AGO2: variants seen among roughly 807,000 people sequenced by gnomAD.
AGO2 encodes the protein argonaute RISC catalytic component 2.
Under a neutral mutation model 102.3 loss-of-function variants are expected in AGO2, and 5 were observed. The ratio of observed to expected loss-of-function variants is 0.05; its 90% CI spans 0.03 to 0.10. The LOEUF is 0.10. Ranked by LOEUF, AGO2 falls within the 10% of genes least tolerant of loss-of-function variation. The pLI is 1.00. For synonymous variants in AGO2, 449 were observed against 473.1 expected, an observed-to-expected ratio of 0.95 and a Z score of 0.66; for missense variants, 541 against 1,183.7, an observed-to-expected ratio of 0.46 and a Z score of 7.97.
chr8:140,616,968 G>A (rs1441228171), intron 1 of AGO2, among the ~76,000 whole-genome samples: 1 of 152,162 alleles, frequency 6.6e-6, no homozygotes, highest in Admixed American at 6.5e-5. Context: ...CTCCACCCCC[G>A]CGCACCCTCC....
rs2072493365 is a variant in AGO2 at position 140,525,727 on chromosome 8, A to C, written c.*6317T>G. 6.6e-6 allele frequency: 1 copy of C among 152,000 alleles called. No individual in the cohort carries two copies. The highest frequency in any genetic ancestry group is 2.4e-5 in the African/African-American group (1 of 41,326). 9.4% of individuals were successfully genotyped at this position (152,000 alleles called of 1,614,324 possible). A position where few individuals can be genotyped will look rare whatever the true frequency, so the allele number is the denominator to read the frequency against. Reference sequence around the variant, plus strand: ...CTGTCAGATCATCGCCTGTCAACTCAGAGTAAACTCATGGAGAAATTGGGG... The same window carrying C: ...CTGTCAGATCATCGCCTGTCAACTCCGAGTAAACTCATGGAGAAATTGGGG... On this transcript the variant is annotated 3_prime_UTR_variant, in exon 19 of 19. Coordinates refer to ENST00000220592, the MANE Select transcript of AGO2 (RefSeq NM_012154.5).
chr8:140,624,747 G>A (rs2074254682), intron 1 of AGO2, among the ~76,000 whole-genome samples: 1 of 152,216 alleles, frequency 6.6e-6, no homozygotes, highest in African/African-American at 2.4e-5. Flanking sequence ...CATATAAGGA[G>A]CACAGAGGAA....
chr8:140,604,592 C>T (rs1236518555), intron 1 of AGO2, among the ~76,000 whole-genome samples: 4 of 149,894 alleles, frequency 2.7e-5, no homozygotes, highest in South Asian at 2.1e-4. Context: ...TTTGTGAGGC[C>T]GAGATGGGTG....
chr8:140,622,277 GGGGGAATAAT>G, intron 1 of AGO2, among the ~76,000 whole-genome samples: 1 of 118,688 alleles, frequency 8.4e-6, no homozygotes, highest in South Asian at 2.9e-4. Context: ...GTCTCCTCTT[GGGGGAATAAT>G]GCACATGGGG....
intron 1 of AGO2, among the ~76,000 whole-genome samples, chr8:140,614,272 C>T (rs886746255): frequency 1.7e-4 from 26 of 151,810 alleles, no homozygotes; most frequent in Non-Finnish European, 1.3e-4. Context: ...TGCAGTGAGC[C>T]GAGATCGTGC....
intron 10 of AGO2, among the ~76,000 whole-genome samples, chr8:140,554,719 T>C (rs936898733): frequency 6.6e-6 from 1 of 152,102 alleles, no homozygotes; most frequent in Non-Finnish European, 1.5e-5. Flanking sequence ...TTGAGACAAG[T>C]CTTGCTCTTT....
chr8:140,543,138 A>G (rs1242804332), intron 14 of AGO2, among the ~76,000 whole-genome samples: 1 of 151,304 alleles, frequency 6.6e-6, no homozygotes, highest in Admixed American at 6.6e-5. Context: ...GTCTCACAAA[A>G]CAAAACAAAA....
chr8:140,611,295 C>T (rs74220703), intron 1 of AGO2, among the ~76,000 whole-genome samples: 20,945 of 152,030 alleles, frequency 0.14, 1,934 homozygotes, highest in Admixed American at 0.29. Context: ...CAGCAAAAAG[C>T]ATCAAGTTTA....
At chr8:140,641,211 G>A in the AGO2 span, among the ~76,000 whole-genome samples, 1 of 152,010 alleles carries the variant, frequency 6.6e-6, no homozygotes, top group African/African-American at 2.4e-5. Flanking sequence ...GATCACCTAA[G>A]CCCTCAGGGA....
chr8:140,603,887 C>T (rs964559617), intron 1 of AGO2, among the ~76,000 whole-genome samples: 6 of 152,214 alleles, frequency 3.9e-5, no homozygotes, highest in Non-Finnish European at 7.3e-5. Context: ...ATGACTGTTC[C>T]GCATCCCTCA....
chr8:140,595,938 AATATATATTTT>A (rs1305027197), intron 1 of AGO2, among the ~76,000 whole-genome samples: 3 of 72,004 alleles, frequency 4.2e-5, no homozygotes, highest in African/African-American at 1.5e-4. Flanking sequence ...TAAATTATAT[AATATATATTTT>A]ATATATAATA....
chr8:140,526,699 G>A lies in AGO2; in HGVS notation c.*5345C>T, dbSNP rs1274902799. On this transcript the variant is annotated 3_prime_UTR_variant, in exon 19 of 19. Transcript: ENST00000220592. The surrounding 1 kb of genome is among the most constrained non-coding windows in gnomAD (Gnocchi z 5.2). ...AAAAGGTATTTAGGAACCACCTTCTGTAGTGATTTGGCTAAGCCAATACAT... is the reference window on the plus strand; with the variant it reads ...AAAAGGTATTTAGGAACCACCTTCTATAGTGATTTGGCTAAGCCAATACAT... 6.6e-6 allele frequency: 1 copy of A among 152,116 alleles called. No individual in the cohort carries two copies. Among genetic ancestry groups the A allele is most frequent in the Non-Finnish European group, 1.5e-5 (1 of 68,038 alleles). 9.4% of individuals were successfully genotyped at this position (152,116 alleles called of 1,614,324 possible).
At chr8:140,633,768 TACTC>T (rs760310363) in intron 1 of AGO2, among the ~76,000 whole-genome samples, 35 of 152,344 alleles carry the variant, frequency 2.3e-4, no homozygotes, top group Non-Finnish European at 4.3e-4. Flanking sequence ...ATTGTCCTGA[TACTC>T]ACTCACTGCT....
At chr8:140,581,491 C>T (rs564252646) in intron 2 of AGO2, among the ~76,000 whole-genome samples, 1 of 152,186 alleles carries the variant, frequency 6.6e-6, no homozygotes, top group African/African-American at 2.4e-5. Context: ...TGCACTCCAA[C>T]CTGGGCAACA....
chr8:140,549,434 TC>T (rs2072957812), intron 11 of AGO2, 136 bp from the exon 12 acceptor site: 1 of 846,954 alleles, frequency 1.2e-6, no homozygotes, highest in Non-Finnish European at 1.8e-6. Flanking sequence ...GTTCTTAAAG[TC>T]CTGAATGAGG....
intron 7 of AGO2, among the ~76,000 whole-genome samples, chr8:140,558,015 C>A (rs1019989678): frequency 3.9e-5 from 6 of 152,216 alleles, no homozygotes; most frequent in Admixed American, 3.3e-4. Context: ...GGGGCCAAAT[C>A]TATCACCTCC....
chr8:140,559,408 G>C lies in AGO2; in HGVS notation c.777C>G (p.Thr259=). The change falls in exon 6 of 19, where the codon ACC becomes ACG. Residue 259 remains threonine, a synonymous_variant. Coordinates refer to ENST00000220592, the MANE Select transcript of AGO2 (RefSeq NM_012154.5). ...ACAGTTCATTACCTTTAATTTCTTT[G>C]GTAAACTTTACCCTTTGGGAATCTG... ...PLTDSQRVKF[T]KEIKGLKVEI... The C allele has an allele frequency of 6.2e-7, 1 of 1,614,108 alleles. No individual in the cohort carries two copies. Among genetic ancestry groups the C allele is most frequent in the Non-Finnish European group, 8.5e-7 (1 of 1,179,992 alleles).
At chr8:140,594,448 C>T (rs898848403) in intron 1 of AGO2, among the ~76,000 whole-genome samples, 1 of 151,968 alleles carries the variant, frequency 6.6e-6, no homozygotes, top group Admixed American at 6.6e-5. Context: ...CAGGCATGAG[C>T]CACCGTGCCC....
chr8:140,553,902 G>T (rs1226181153), intron 10 of AGO2, among the ~76,000 whole-genome samples: 3 of 151,236 alleles, frequency 2.0e-5, no homozygotes, highest in South Asian at 4.2e-4. Flanking sequence ...GTTTCGCCAT[G>T]TTGACCGGAG....
Sources: gnomAD v4.1 joint callset for allele counts (sites outside exome capture counted in the v4.1 genomes callset) on GRCh38, gnomAD v4.1.1 for gene constraint, Gnocchi (gnomAD v3.1) non-coding constraint, MANE v1.5 for transcripts, NCBI Gene and HGNC (gene_info 2026-07-23, HGNC 2026-07-21) for gene names.